UNC5D: variants seen among roughly 807,000 people sequenced by gnomAD.
The protein encoded by UNC5D is netrin receptor UNC5D.
In UNC5D, 39 loss-of-function variants were observed where a neutral mutation model predicts 105.4. The ratio of observed to expected loss-of-function variants is 0.37; its 90% CI spans 0.29 to 0.48. The LOEUF (loss-of-function observed/expected upper bound fraction) is 0.48, where lower values mean the gene tolerates loss of function less well. Among genes scored for constraint, UNC5D ranks in the 20% least tolerant of loss-of-function variants. The pLI is 0.98. For synonymous variants in UNC5D, 452 were observed against 450.4 expected (o/e 1.00, Z -0.04); for missense variants, 991 against 1,202.4 (o/e 0.82, Z 2.60).
At chr8:35,691,453 C>G (rs1826384568) in intron 7 of UNC5D, among the ~76,000 whole-genome samples, 1 of 152,318 alleles carries the variant, frequency 6.6e-6, no homozygotes, top group South Asian at 2.1e-4. Context: ...CTCCACTGCA[C>G]TCCATCCTGG....
At chr8:35,554,792 T>C (rs1322117642) in intron 2 of UNC5D, among the ~76,000 whole-genome samples, 1 of 152,188 alleles carries the variant, frequency 6.6e-6, no homozygotes, top group Non-Finnish European at 1.5e-5. Context: ...AGTGAAATAA[T>C]GTGTATTCCA....
chr8:35,409,666 G>A (rs542969493), intron 1 of UNC5D, among the ~76,000 whole-genome samples: 4 of 151,630 alleles, frequency 2.6e-5, no homozygotes, highest in Non-Finnish European at 4.4e-5. Flanking sequence ...TATGTGATTC[G>A]GATACATTTT....
intron 8 of UNC5D, among the ~76,000 whole-genome samples, chr8:35,719,915 T>G (rs1478574625): frequency 6.6e-6 from 1 of 152,154 alleles, no homozygotes; most frequent in Non-Finnish European, 1.5e-5. Context: ...TTTTAAAATT[T>G]TATAATTTAG....
chr8:35,251,139 A>G (rs1024314737), intron 1 of UNC5D, among the ~76,000 whole-genome samples: 1 of 151,944 alleles, frequency 6.6e-6, no homozygotes, highest in African/African-American at 2.4e-5. Flanking sequence ...TGCATCCTAT[A>G]CTCGTCTGTT....
rs1486611783 is a variant in UNC5D at position 35,793,787 on chromosome 8, T to A, written c.*3224T>A. 6.6e-6 allele frequency: 1 copy of A among 152,622 alleles called. No individual in the cohort carries two copies. Among genetic ancestry groups the A allele is most frequent in the Admixed American group, 6.5e-5 (1 of 15,286 alleles). 9.5% of individuals were successfully genotyped at this position (152,622 alleles called of 1,614,324 possible). On this transcript the variant is annotated 3_prime_UTR_variant, in exon 17 of 17. Coordinates refer to ENST00000404895, the MANE Select transcript of UNC5D (RefSeq NM_080872.4). The stretch of plus-strand genomic sequence containing the variant: ...GAAGTCTCATAAAACTCAGATGTAC[T>A]CCCACAAAAATTTTATTGGCCTTTT...
At chr8:35,472,604 C>CA (rs1031725774) in intron 1 of UNC5D, among the ~76,000 whole-genome samples, 1 of 151,638 alleles carries the variant, frequency 6.6e-6, no homozygotes. Flanking sequence ...ATTCTGGGGG[C>CA]AAAAAAATAA....
intron 1 of UNC5D, among the ~76,000 whole-genome samples, chr8:35,504,614 C>A (rs149532911): frequency 6.6e-6 from 1 of 152,248 alleles, no homozygotes; most frequent in Non-Finnish European, 1.5e-5. Context: ...CCATTCAAAG[C>A]CTCTAGTTTG....
intron 1 of UNC5D, among the ~76,000 whole-genome samples, chr8:35,346,372 T>C (rs1347122971): frequency 2.0e-5 from 3 of 151,994 alleles, no homozygotes; most frequent in Non-Finnish European, 4.4e-5. Flanking sequence ...TGTAAAAACG[T>C]TGGTGATACA....
At chr8:35,317,451 G>T (rs1181607711) in intron 1 of UNC5D, among the ~76,000 whole-genome samples, 1 of 152,050 alleles carries the variant, frequency 6.6e-6, no homozygotes, top group African/African-American at 2.4e-5. Context: ...TATTGTCAAA[G>T]GTATAATTTT....
intron 1 of UNC5D, among the ~76,000 whole-genome samples, chr8:35,508,763 C>T (rs1481832479): frequency 7.2e-5 from 11 of 152,200 alleles, no homozygotes; most frequent in Non-Finnish European, 1.5e-5. Context: ...TTTAATTACA[C>T]ACACTGGTGA....
intron 14 of UNC5D, among the ~76,000 whole-genome samples, chr8:35,765,912 C>A (rs1056722521): frequency 6.6e-6 from 1 of 151,958 alleles, no homozygotes; most frequent in Non-Finnish European, 1.5e-5. Context: ...AAAAAGTGAG[C>A]GTGAGGATTA....
At chr8:35,783,029 G>T (rs1802576169) in intron 16 of UNC5D, among the ~76,000 whole-genome samples, 1 of 151,936 alleles carries the variant, frequency 6.6e-6, no homozygotes, top group South Asian at 2.1e-4. Flanking sequence ...TGTGGTCCTA[G>T]CTACTTGAGC....
intron 10 of UNC5D, among the ~76,000 whole-genome samples, chr8:35,730,320 G>T (rs757276024): frequency 6.6e-6 from 1 of 152,180 alleles, no homozygotes; most frequent in Non-Finnish European, 1.5e-5. Flanking sequence ...TGCATTGTAT[G>T]ATTTTATGGA....
intron 16 of UNC5D, among the ~76,000 whole-genome samples, chr8:35,782,652 T>C (rs1802556742): frequency 6.6e-6 from 1 of 151,870 alleles, no homozygotes; most frequent in African/African-American, 2.4e-5. Context: ...TACAGGCGCC[T>C]GCCACCACAG....
chr8:35,568,875 A>G (rs1817541398), intron 3 of UNC5D, among the ~76,000 whole-genome samples: 1 of 152,166 alleles, frequency 6.6e-6, no homozygotes, highest in African/African-American at 2.4e-5. Flanking sequence ...GACAAAGTTC[A>G]AGGGGCACTT....
chr8:35,573,164 A>G (rs1222315165), intron 3 of UNC5D, among the ~76,000 whole-genome samples: 1 of 152,210 alleles, frequency 6.6e-6, no homozygotes, highest in Non-Finnish European at 1.5e-5. Context: ...GGTCTGTGGG[A>G]CATACTTTTA....
At chr8:35,634,590 C>T (rs1822239086) in intron 4 of UNC5D, among the ~76,000 whole-genome samples, 1 of 151,956 alleles carries the variant, frequency 6.6e-6, no homozygotes. Context: ...TTTCAGGGTA[C>T]AGAGAGACAA....
At chr8:35,369,866 T>C (rs372650584) in intron 1 of UNC5D, among the ~76,000 whole-genome samples, 1 of 152,162 alleles carries the variant, frequency 6.6e-6, no homozygotes, top group African/African-American at 2.4e-5. Flanking sequence ...AATAACCAGA[T>C]TGTCCATGAT....
At chr8:35,566,222 T>C (rs2130776367) in intron 2 of UNC5D, among the ~76,000 whole-genome samples, 1 of 149,146 alleles carries the variant, frequency 6.7e-6, no homozygotes, top group Middle Eastern at 3.4e-3. Context: ...CTGCACATGG[T>C]GACTTATGTG....
Sources: gnomAD v4.1 joint callset for allele counts (sites outside exome capture counted in the v4.1 genomes callset) on GRCh38, gnomAD v4.1.1 for gene constraint, MANE v1.5 for transcripts, NCBI Gene and HGNC (gene_info 2026-07-23, HGNC 2026-07-21) for gene names.